ARHGEF10L: variants seen among roughly 807,000 people sequenced by gnomAD.
ARHGEF10L encodes rho guanine nucleotide exchange factor 10-like protein.
A neutral mutation model predicts 141.2 loss-of-function variants in ARHGEF10L; 69 were observed. That is an observed-to-expected ratio of 0.49 (90% CI 0.40 to 0.60). ARHGEF10L has a LOEUF of 0.60. ARHGEF10L is among the 20% of genes least tolerant of loss of function. ARHGEF10L has a pLI of 0.00. For missense variants in ARHGEF10L, 1,482 were observed against 1,734.3 expected, an observed-to-expected ratio of 0.85 and a Z score of 2.58; for synonymous variants, 711 against 718.5, an observed-to-expected ratio of 0.99 and a Z score of 0.17.
At chr1:17,574,424 G>A (rs776212618) in intron 1 of ARHGEF10L, among the ~76,000 whole-genome samples, 3 of 152,226 alleles carry the variant, frequency 2.0e-5, no homozygotes, top group Non-Finnish European at 4.4e-5. Context: ...TCTGTAAAAT[G>A]AGAAAATGCT....
intron 26 of ARHGEF10L, among the ~76,000 whole-genome samples, chr1:17,674,013 G>T (rs1350179094): frequency 6.6e-6 from 1 of 152,164 alleles, no homozygotes; most frequent in Non-Finnish European, 1.5e-5. Flanking sequence ...TCAGCCCCGT[G>T]TTCCATTGGG....
intron 1 of ARHGEF10L, among the ~76,000 whole-genome samples, chr1:17,559,361 G>A (rs12039118): frequency 0.08 from 12,224 of 152,190 alleles, 767 homozygotes; most frequent in East Asian, 0.23. Context: ...ACACTAGAAG[G>A]GGCTGGGTAT....
Position 17,607,830 on chromosome 1 carries a change from T to C in ARHGEF10L, c.462T>C (p.Asp154=), listed in dbSNP as rs781192667. The change falls in exon 7 of 29, where the codon GAT becomes GAC. Residue 154 remains aspartate (D), a synonymous_variant. Coordinates refer to ENST00000361221, the MANE Select transcript of ARHGEF10L (RefSeq NM_018125.4). This position sits in a 1 kb window ranked among gnomAD's most constrained non-coding sequence, Gnocchi z 4.5. ...CAGAGAGGAACCTGCTCTACGAGGATGCGCACCGGGCTGGGGCCCCTCGGC... is the reference window on the plus strand; with the variant it reads ...CAGAGAGGAACCTGCTCTACGAGGACGCGCACCGGGCTGGGGCCCCTCGGC... The part of the protein sequence containing the change: ...PGAERNLLYE[D]AHRAGAPRQA... 2 of 1,593,068 alleles carry C rather than the reference T, an allele frequency of 1.3e-6. No homozygotes were observed. The highest frequency in any genetic ancestry group is 1.7e-6 in the Non-Finnish European group (2 of 1,170,818).
chr1:17,696,751 A>C, intron 28 of ARHGEF10L, 97 bp from the exon 29 acceptor site: 1 of 1,320,542 alleles, frequency 7.6e-7, no homozygotes, highest in Non-Finnish European at 1.0e-6. Context: ...ACCCCCCCAA[A>C]TACCCACCCA....
intron 27 of ARHGEF10L, chr1:17,689,935 T>C: frequency 4.6e-6 from 2 of 435,958 alleles, no homozygotes. Flanking sequence ...CTGACTTTAC[T>C]GTGTTTCACA....
Position 17,625,937 on chromosome 1 carries a change from G to A in ARHGEF10L, c.1318-19G>A, listed in dbSNP as rs763836794. ...TCTCTGCAGGGGGTCAGCGAATGACGGAACCTTGTCTCCACCAGCGACGGC... is the reference window on the plus strand; with the variant it reads ...TCTCTGCAGGGGGTCAGCGAATGACAGAACCTTGTCTCCACCAGCGACGGC... On this transcript the variant is annotated intron_variant, in intron 13 of 28. Coordinates refer to ENST00000361221, the MANE Select transcript of ARHGEF10L (RefSeq NM_018125.4). This position sits in a 1 kb window ranked among gnomAD's most constrained non-coding sequence, Gnocchi z 4.5. 1.8e-5 allele frequency: 29 copies of A among 1,612,218 alleles called. No homozygotes were observed. The highest frequency in any genetic ancestry group is 1.6e-4 in the Middle Eastern group (1 of 6,070).
intron 25 of ARHGEF10L, among the ~76,000 whole-genome samples, chr1:17,657,852 C>T (rs187735222): frequency 2.0e-4 from 30 of 152,328 alleles, no homozygotes; most frequent in African/African-American, 5.5e-4. Context: ...GCCACCCTGG[C>T]GCTCTGGTCC....
At chr1:17,559,906 C>T (rs899324979) in intron 1 of ARHGEF10L, among the ~76,000 whole-genome samples, 1 of 152,214 alleles carries the variant, frequency 6.6e-6, no homozygotes, top group South Asian at 2.1e-4. Flanking sequence ...GTTCAGCACT[C>T]CTGTCCCTCC....
At chr1:17,596,753 G>T (rs1053324875) in intron 4 of ARHGEF10L, among the ~76,000 whole-genome samples, 5 of 152,292 alleles carry the variant, frequency 3.3e-5, no homozygotes, top group African/African-American at 1.2e-4. Flanking sequence ...TTTAAAACAG[G>T]CTGGGGGCCC....
At chr1:17,610,526 A>G (rs2059493445) in intron 7 of ARHGEF10L, among the ~76,000 whole-genome samples, 1 of 152,146 alleles carries the variant, frequency 6.6e-6, no homozygotes, top group Admixed American at 6.5e-5. Context: ...GAGGTTGCGG[A>G]GGGCTTTTCC....
At chr1:17,691,732 A>G (rs2065124177) in intron 27 of ARHGEF10L, among the ~76,000 whole-genome samples, 1 of 151,814 alleles carries the variant, frequency 6.6e-6, no homozygotes, top group South Asian at 2.1e-4. Flanking sequence ...TATATATTTA[A>G]TATTTCTAAT....
At chr1:17,568,546 G>C (rs1246343103) in intron 1 of ARHGEF10L, among the ~76,000 whole-genome samples, 1 of 152,222 alleles carries the variant, frequency 6.6e-6, no homozygotes, top group Admixed American at 6.5e-5. Flanking sequence ...CTGGAGTAGA[G>C]TGGTCCCATT....
chr1:17,659,687 A>G (rs1340079964), intron 25 of ARHGEF10L, among the ~76,000 whole-genome samples: 4 of 152,162 alleles, frequency 2.6e-5, no homozygotes, highest in African/African-American at 4.8e-5. Flanking sequence ...AGAAGCAGGT[A>G]CTCCATGAAA....
At chr1:17,587,716 C>G in intron 3 of ARHGEF10L, 71 bp downstream of exon 3, 2 of 1,487,608 alleles carry the variant, frequency 1.3e-6, no homozygotes, top group East Asian at 4.7e-5. Flanking sequence ...AAGCTCCAGG[C>G]TCTCAGGGAT....
chr1:17,537,305 A>G (rs987591624), upstream of ARHGEF10L, among the ~76,000 whole-genome samples: 6 of 152,210 alleles, frequency 3.9e-5, no homozygotes, highest in African/African-American at 1.4e-4. Context: ...TTGTTTTATG[A>G]GCAGGTGGTT....
chr1:17,517,900 GA>G, the ARHGEF10L span, among the ~76,000 whole-genome samples: 2 of 152,256 alleles, frequency 1.3e-5, no homozygotes, highest in Admixed American at 1.3e-4. Flanking sequence ...GAGCTCAGAT[GA>G]TCCAACCGCC....
At chr1:17,674,619 C>G (rs554784440) in intron 26 of ARHGEF10L, among the ~76,000 whole-genome samples, 14 of 152,326 alleles carry the variant, frequency 9.2e-5, no homozygotes, top group African/African-American at 3.1e-4. Context: ...GAAGCGTGAG[C>G]TGATGCCTGT....
At chr1:17,529,824 CTTTTTTTT>C in the ARHGEF10L span, among the ~76,000 whole-genome samples, 2 of 67,158 alleles carry the variant, frequency 3.0e-5, no homozygotes, top group Non-Finnish European at 5.4e-5. Context: ...ACACATCAGT[CTTTTTTTT>C]TTTTTTTTTT....
intron 1 of ARHGEF10L, among the ~76,000 whole-genome samples, chr1:17,543,697 G>A (rs2076812617): frequency 1.3e-5 from 2 of 151,856 alleles, no homozygotes; most frequent in South Asian, 4.2e-4. Context: ...GCCCAGGCTG[G>A]AGTGAAATGG....
Sources: gnomAD v4.1 joint callset for allele counts (sites outside exome capture counted in the v4.1 genomes callset) on GRCh38, gnomAD v4.1.1 for gene constraint, Gnocchi (gnomAD v3.1) non-coding constraint, MANE v1.5 for transcripts, NCBI Gene and HGNC (gene_info 2026-07-23, HGNC 2026-07-21) for gene names.